The following MCPH1 variants were observed in gnomAD, a reference collection of about 807,000 sequenced individuals.
The protein encoded by MCPH1 is microcephalin 1, also known as microcephalin.
In MCPH1, 104 loss-of-function variants were observed where a neutral mutation model predicts 84.5. The ratio of observed to expected loss-of-function variants is 1.23; its 90% CI spans 1.05 to 1.45. The LOEUF (loss-of-function observed/expected upper bound fraction) is 1.45. MCPH1 is among the 40% of genes most tolerant of loss of function. The probability of loss-of-function intolerance (pLI) is 0.00; values close to 1 mark genes in which losing one functional copy is unlikely to be tolerated. For missense variants in MCPH1, 1,498 were observed against 1,005.7 expected (o/e 1.49, Z -6.62); for synonymous variants, 514 against 366.8 (o/e 1.40, Z -4.58).
At chr8:6,441,033 C>T (rs1377105077) in intron 6 of MCPH1, among the ~76,000 whole-genome samples, 1 of 152,150 alleles carries the variant, frequency 6.6e-6, no homozygotes, top group African/African-American at 2.4e-5. Context: ...CTTTTGACAG[C>T]CTTACCAGAC....
intron 3 of MCPH1, among the ~76,000 whole-genome samples, chr8:6,428,954 T>C (rs1374720421): frequency 6.6e-6 from 1 of 152,236 alleles, no homozygotes; most frequent in African/African-American, 2.4e-5. Context: ...GGTTTTTCAG[T>C]TTCAGGTATT....
intron 4 of MCPH1, among the ~76,000 whole-genome samples, chr8:6,432,531 G>T (rs1585723554): frequency 6.6e-6 from 1 of 152,132 alleles, no homozygotes; most frequent in African/African-American, 2.4e-5. Flanking sequence ...TTATGTAAAA[G>T]TTCTAATTGT....
intron 13 of MCPH1, among the ~76,000 whole-genome samples, chr8:6,622,648 G>A (rs1438751664): frequency 1.3e-5 from 2 of 152,158 alleles, no homozygotes; most frequent in Admixed American, 1.3e-4. Context: ...TCTAAGATGG[G>A]GTATCGGCAG....
rs191449519 is a variant in MCPH1 at position 6,539,010 on chromosome 8, C to A, written c.2214+39081C>A. Among the ~76,000 whole-genome samples, 112 of 145,652 alleles carry A rather than the reference C, an allele frequency of 7.7e-4. 1 individual carries two copies. The highest frequency in any genetic ancestry group is 6.1e-3 in the Admixed American group (87 of 14,276). ...AGTGGCAAAACTGGGCTCTCCTCCC[C>A]CTCCTTTTAGAGTTGGGCTTGTGTG... On this transcript the variant is annotated intron_variant, in intron 12 of 13. Transcript: ENST00000344683.
chr8:6,618,488 GAGAT>G (rs1471143892), intron 12 of MCPH1: 3 of 152,174 alleles, frequency 2.0e-5, no homozygotes, highest in Admixed American at 1.3e-4. Context: ...TCCATATAGT[GAGAT>G]AGAGATTAGA....
At chr8:6,496,050 C>G (rs555142551) in intron 11 of MCPH1, among the ~76,000 whole-genome samples, 1 of 152,176 alleles carries the variant, frequency 6.6e-6, no homozygotes, top group Non-Finnish European at 1.5e-5. Context: ...AAGCACATTA[C>G]ACTTATTGTA....
At chr8:6,462,724 T>C (rs905189765) in intron 9 of MCPH1, among the ~76,000 whole-genome samples, 1 of 152,208 alleles carries the variant, frequency 6.6e-6, no homozygotes, top group African/African-American at 2.4e-5. Flanking sequence ...TCTTTGTGTA[T>C]AAAACAGGAA....
At chr8:6,483,613 G>A (rs1809496697) in intron 11 of MCPH1, among the ~76,000 whole-genome samples, 2 of 152,132 alleles carry the variant, frequency 1.3e-5, no homozygotes, top group South Asian at 2.1e-4. Context: ...TCAAGAAAAG[G>A]AACCTTCCCA....
chr8:6,542,626 G>A (rs544276637), intron 12 of MCPH1, among the ~76,000 whole-genome samples: 5 of 151,848 alleles, frequency 3.3e-5, no homozygotes, highest in Admixed American at 2.6e-4. Context: ...TGTCTGAGGA[G>A]CATTAACATT....
chr8:6,521,372 T>C, intron 12 of MCPH1: 1 of 1,613,596 alleles, frequency 6.2e-7, no homozygotes, highest in South Asian at 1.1e-5. Flanking sequence ...TTGGATGATG[T>C]GCTTGTCTTC....
At chr8:6,459,996 A>G (rs1806102606) in intron 9 of MCPH1, among the ~76,000 whole-genome samples, 1 of 152,152 alleles carries the variant, frequency 6.6e-6, no homozygotes, top group Admixed American at 6.5e-5. Flanking sequence ...CTGGGGTTAG[A>G]CTGCTCTCAT....
At chr8:6,528,798 T>C (rs1374022566) in intron 12 of MCPH1, among the ~76,000 whole-genome samples, 7 of 152,228 alleles carry the variant, frequency 4.6e-5, no homozygotes, top group African/African-American at 7.2e-5. Flanking sequence ...GCTGGTGTCT[T>C]TATGTCATTT....
intron 12 of MCPH1, among the ~76,000 whole-genome samples, chr8:6,597,186 G>A (rs1260641003): frequency 1.3e-5 from 2 of 152,192 alleles, no homozygotes; most frequent in Admixed American, 1.3e-4. Context: ...GAGAATTAGA[G>A]GAGCAAATGG....
chr8:6,551,114 C>T (rs1405064761), intron 12 of MCPH1, among the ~76,000 whole-genome samples: 1 of 152,188 alleles, frequency 6.6e-6, no homozygotes, highest in African/African-American at 2.4e-5. Context: ...GGCTCCTGGG[C>T]CCCTGACTCG....
At chr8:6,466,152 T>A (rs1376079795) in intron 9 of MCPH1, among the ~76,000 whole-genome samples, 1 of 76,076 alleles carries the variant, frequency 1.3e-5, no homozygotes, top group Admixed American at 1.6e-4. Flanking sequence ...TTTTTTTTTT[T>A]CCTGAGACAG....
chr8:6,619,540 C>G (rs1016773625), intron 12 of MCPH1, among the ~76,000 whole-genome samples: 1 of 152,168 alleles, frequency 6.6e-6, no homozygotes, highest in Non-Finnish European at 1.5e-5. Flanking sequence ...ATCCACTCAC[C>G]TCAGCCTCCC....
chr8:6,419,121 A>G (rs1463254681), intron 3 of MCPH1, among the ~76,000 whole-genome samples: 1 of 133,658 alleles, frequency 7.5e-6, no homozygotes, highest in African/African-American at 2.9e-5. Flanking sequence ...TTATATTTAT[A>G]TACACATACA....
At chr8:6,416,268 C>T (rs953813716) in intron 3 of MCPH1, among the ~76,000 whole-genome samples, 2 of 135,178 alleles carry the variant, frequency 1.5e-5, no homozygotes, top group African/African-American at 5.5e-5. Context: ...CTAGTCTGGC[C>T]GCATGTTATG....
intron 1 of MCPH1, 111 bp from the exon 2 acceptor site, chr8:6,409,168 G>C: frequency 2.3e-6 from 2 of 888,226 alleles, no homozygotes; most frequent in Admixed American, 1.9e-5. Context: ...TTACAGGCGT[G>C]AGCCACTGTG....
Sources: gnomAD v4.1 joint callset for allele counts (sites outside exome capture counted in the v4.1 genomes callset) on GRCh38, gnomAD v4.1.1 for gene constraint, MANE v1.5 for transcripts, NCBI Gene and HGNC (gene_info 2026-07-23, HGNC 2026-07-21) for gene names.